The following CISTR variants were observed in gnomAD, a reference collection of about 807,000 sequenced individuals.
CISTR encodes chondrogenic regulator lncRNA.
intron 1 of CISTR, among the ~76,000 whole-genome samples, chr12:53,753,339 C>A (rs950832817): frequency 1.3e-5 from 2 of 152,138 alleles, no homozygotes; most frequent in Non-Finnish European, 2.9e-5. Context: ...GGCTGGTCGT[C>A]AAGACCAACC....
At chr12:53,753,665 G>GGGGTGTGT (rs1394699395) in intron 1 of CISTR, among the ~76,000 whole-genome samples, 13 of 141,314 alleles carry the variant, frequency 9.2e-5, no homozygotes, top group African/African-American at 3.5e-4. Context: ...AATGCATAGG[G>GGGGTGTGT]GTGTGTGTGT....
In CISTR at chr12:53,751,212, C is replaced by T. The variant is rs866262411; in HGVS notation, n.415-247G>A. On this transcript the variant is annotated intron_variant and non_coding_transcript_variant, in intron 1 of 2. Coordinates refer to ENST00000669269, the Ensembl canonical transcript of CISTR. The surrounding 1 kb of genome is among the most constrained non-coding windows in gnomAD (Gnocchi z 4.6). ...ACACACTCTCTCCTGGCCTCCCTCC[C>T]GCCGCCCCTCCTCTGAGCCCTGCGG... Among the ~76,000 whole-genome samples the T allele has an allele frequency of 2.6e-5, 4 of 152,330 alleles. No individual in the cohort carries two copies. Among genetic ancestry groups the T allele is most frequent in the Middle Eastern group, 3.4e-3 (1 of 294 alleles).
At chr12:53,750,148 C>G (rs965699727) in intron 2 of CISTR, among the ~76,000 whole-genome samples, 1 of 152,150 alleles carries the variant, frequency 6.6e-6, no homozygotes, top group Non-Finnish European at 1.5e-5. Context: ...AAAGTTACCC[C>G]GTTGACATTC....
At chr12:53,747,409 C>A (rs1937795376) in intron 2 of CISTR, among the ~76,000 whole-genome samples, 1 of 152,114 alleles carries the variant, frequency 6.6e-6, no homozygotes, top group African/African-American at 2.4e-5. Flanking sequence ...TTAGTGATTG[C>A]CTGTCTTTGG....
chr12:53,754,174 A>T (rs1170524795), intron 1 of CISTR, among the ~76,000 whole-genome samples: 1 of 151,988 alleles, frequency 6.6e-6, no homozygotes, highest in East Asian at 1.9e-4. Flanking sequence ...TCCTTTACTC[A>T]CTCCTTTCAT....
intron 1 of CISTR, among the ~76,000 whole-genome samples, chr12:53,754,989 G>A (rs193231586): frequency 1.2e-4 from 19 of 152,288 alleles, no homozygotes; most frequent in South Asian, 2.1e-4. Context: ...TCCAGGACTG[G>A]GTTCATAGGG....
intron 2 of CISTR, among the ~76,000 whole-genome samples, chr12:53,748,947 A>G (rs1937814090): frequency 6.6e-6 from 1 of 151,614 alleles, no homozygotes; most frequent in African/African-American, 2.4e-5. Flanking sequence ...GTGGGCGGGG[A>G]GGCCTATATG....
At chr12:53,749,395 G>C (rs1037021579) in intron 2 of CISTR, among the ~76,000 whole-genome samples, 1 of 151,906 alleles carries the variant, frequency 6.6e-6, no homozygotes, top group Non-Finnish European at 1.5e-5. Context: ...GGGCTGTTGA[G>C]AGGGAGGCAG....
chr12:53,752,993 C>T (rs1446231154), intron 1 of CISTR, among the ~76,000 whole-genome samples: 1 of 150,988 alleles, frequency 6.6e-6, no homozygotes. Context: ...ACTCCTGCAC[C>T]AAGGCAGGAA....
At chr12:53,747,182 A>G (rs866940543) in intron 2 of CISTR, among the ~76,000 whole-genome samples, 4 of 152,316 alleles carry the variant, frequency 2.6e-5, no homozygotes, top group Middle Eastern at 3.4e-3. Context: ...CAGACCAGGC[A>G]TTGTGCTTCT....
At chr12:53,754,366 G>C (rs574072328) in intron 1 of CISTR, 1 of 152,124 alleles carries the variant, frequency 6.6e-6, no homozygotes, top group African/African-American at 2.4e-5. Flanking sequence ...AAGGTCTTTC[G>C]CCCTGGGTAG....
At chr12:53,754,398 C>T (rs1937892212) in intron 1 of CISTR, 1 of 152,118 alleles carries the variant, frequency 6.6e-6, no homozygotes. Context: ...GTTAATCTCT[C>T]TCTATGCAAT....
At chr12:53,752,683 G>A (rs1937868281) in intron 1 of CISTR, among the ~76,000 whole-genome samples, 1 of 152,112 alleles carries the variant, frequency 6.6e-6, no homozygotes, top group South Asian at 2.1e-4. Flanking sequence ...AGACTTTATA[G>A]GCCCCCCAAA....
chr12:53,751,408 AC>A lies in CISTR; in HGVS notation n.415-444del, dbSNP rs1471169195. Among the ~76,000 whole-genome samples, 2 of 150,370 alleles carry A rather than the reference AC, an allele frequency of 1.3e-5. No homozygotes were observed. Among genetic ancestry groups the A allele is most frequent in the African/African-American group, 4.9e-5 (2 of 40,672 alleles). ...TCTTTCCCCAGCCCTGTCGCCTCCC[AC>A]CCCCCTTCCGGCCGCGGCAGTTTCC... On this transcript the variant is annotated intron_variant and non_coding_transcript_variant, in intron 1 of 2. Coordinates refer to ENST00000669269, the Ensembl canonical transcript of CISTR. The surrounding 1 kb of genome is among the most constrained non-coding windows in gnomAD (Gnocchi z 4.6).
rs1937849905 is a variant in CISTR, at chr12:53,751,492, T to C, written n.415-527A>G. On this transcript the variant is annotated intron_variant and non_coding_transcript_variant, in intron 1 of 2. Coordinates refer to ENST00000669269, the Ensembl canonical transcript of CISTR. The surrounding 1 kb of genome is among the most constrained non-coding windows in gnomAD (Gnocchi z 4.6). ...GGGGGCGGATGTAAACGCAGCGCGG[T>C]GGAACGTTTTAATTAGGCCTGAACA... Among the ~76,000 whole-genome samples the C allele has an allele frequency of 6.6e-6, 1 of 151,944 alleles. No homozygotes were observed. The highest frequency in any genetic ancestry group is 6.6e-5 in the Admixed American group (1 of 15,262).
At chr12:53,750,889 T>A (rs796854706) in exon 2 of CISTR, 1 of 153,026 alleles carries the variant, frequency 6.5e-6, no homozygotes, top group Non-Finnish European at 1.5e-5. Flanking sequence ...CATTGCCGTC[T>A]GTCTCTCTCC....
intron 2 of CISTR, among the ~76,000 whole-genome samples, chr12:53,748,151 T>G (rs1937803561): frequency 6.6e-6 from 1 of 151,318 alleles, no homozygotes. Flanking sequence ...CCATTTGGAG[T>G]GTGGAGAATG....
Position 53,751,448 on chromosome 12 carries a change from G to T in CISTR, n.415-483C>A, listed in dbSNP as rs897531207. On this transcript the variant is annotated intron_variant and non_coding_transcript_variant, in intron 1 of 2. Transcript: ENST00000669269. This position sits in a 1 kb window ranked among gnomAD's most constrained non-coding sequence, Gnocchi z 4.6. ...GCGGCAGTTTCCGAAATCGCCCGGC[G>T]GCCGCGAATTCATTAGTGGGGGGCG... is the stretch of plus-strand genomic sequence containing the variant. 3.3e-5 allele frequency among the ~76,000 whole-genome samples: 5 copies of T among 152,146 alleles called. No homozygotes were observed. In the South Asian group the frequency reaches 1.0e-3, roughly 31 times the overall value.
At chr12:53,749,057 A>G (rs1453702036) in intron 2 of CISTR, among the ~76,000 whole-genome samples, 2 of 152,018 alleles carry the variant, frequency 1.3e-5, no homozygotes, top group Non-Finnish European at 2.9e-5. Flanking sequence ...GTGCTGAACC[A>G]GACAGCCACA....
Sources: allele counts gnomAD v4.1 joint callset (sites outside exome capture counted in the v4.1 genomes callset), GRCh38; gene constraint gnomAD v4.1.1; non-coding constraint Gnocchi (gnomAD v3.1); transcripts MANE v1.5; gene names NCBI Gene and HGNC (gene_info 2026-07-23, HGNC 2026-07-21).